The following RGS5 variants were observed in gnomAD, a reference collection of about 807,000 sequenced individuals.
RGS5 encodes the protein regulator of G protein signaling 5, also known as regulator of G-protein signalling 5.
Under a neutral mutation model 18.9 loss-of-function variants are expected in RGS5, and 20 were observed. That is an observed-to-expected ratio of 1.06 (90% confidence interval 0.74 to 1.54). The LOEUF (loss-of-function observed/expected upper bound fraction) is 1.54, where lower values mean the gene tolerates loss of function less well. Ranked by LOEUF, RGS5 falls within the 40% of genes most tolerant of loss-of-function variation. The pLI is 0.00. For synonymous variants in RGS5, 57 were observed against 76.2 expected, an observed-to-expected ratio of 0.75 and a Z score of 1.31; for missense variants, 201 against 211.8, an observed-to-expected ratio of 0.95 and a Z score of 0.32.
intron 3 of RGS5, among the ~76,000 whole-genome samples, chr1:163,158,577 T>C (rs2102389729): frequency 6.6e-6 from 1 of 152,254 alleles, no homozygotes; most frequent in Middle Eastern, 3.4e-3. Context: ...CCCTGAGCTG[T>C]AAAACCAGCA....
Position 163,165,905 on chromosome 1 carries a change from C to CA in RGS5, c.155+2352dup, listed in dbSNP as rs150504306. ...TGGGCAAAAGAGCGAAATTCCGTCT[C>CA]AAAAAAAAAACAAAAAAAAAACAGT... On this transcript the variant is annotated intron_variant, in intron 2 of 4. Transcript: ENST00000313961. Among the ~76,000 whole-genome samples, 58 of 43,478 alleles carry CA rather than the reference C, an allele frequency of 1.3e-3. 1 individual carries two copies. The East Asian group carries it at 0.017, about 13-fold the overall frequency. The allele number at this position is 43,478 out of a possible 152,430, so 28.5% of individuals were successfully genotyped here. A position where few individuals can be genotyped will look rare whatever the true frequency, so the allele number is the denominator to read the frequency against.
intron 1 of RGS5, among the ~76,000 whole-genome samples, chr1:163,186,367 C>T (rs1249550894): frequency 1.3e-5 from 2 of 151,950 alleles, no homozygotes; most frequent in Admixed American, 1.3e-4. Flanking sequence ...CTGCGCCCAG[C>T]CCCATTTCTT....
chr1:163,263,510 G>T (rs189514754), intron 2 of RGS5, among the ~76,000 whole-genome samples: 1 of 152,084 alleles, frequency 6.6e-6, no homozygotes, highest in East Asian at 1.9e-4. Context: ...ACTATTACTG[G>T]GTAGGAAAGG....
chr1:163,281,639 T>C (rs1648993954), intron 2 of RGS5, among the ~76,000 whole-genome samples: 1 of 152,124 alleles, frequency 6.6e-6, no homozygotes, highest in Admixed American at 6.6e-5. Context: ...TGTTTCAACA[T>C]GAGATTTGCA....
chr1:163,263,909 A>G (rs1648514416), intron 2 of RGS5, among the ~76,000 whole-genome samples: 1 of 150,770 alleles, frequency 6.6e-6, no homozygotes, highest in South Asian at 2.1e-4. Flanking sequence ...ATTTTTGTCC[A>G]GGTGTAATTG....
At position 163,232,817 on chromosome 1, in the gene RGS5, G is replaced by T. The variant is rs143478223; in HGVS notation, c.-280-64449C>A. ...GATCAGCAGAAAATGCATAGATGGA[G>T]AAAATAAGAATAATTTTCCAGTATG... On this transcript the variant is annotated intron_variant, in intron 2 of 5. Transcript: ENST00000618415. Among the ~76,000 whole-genome samples the T allele has an allele frequency of 5.5e-4, 84 of 152,220 alleles. No individual in the cohort carries two copies. The East Asian group carries it at 0.015, about 28-fold the overall frequency.
At chr1:163,218,118 C>T (rs541183687), upstream of RGS5, among the ~76,000 whole-genome samples, 27 of 152,044 alleles carry the variant, frequency 1.8e-4, no homozygotes, top group Non-Finnish European at 3.7e-4. Flanking sequence ...TGGAGCTATG[C>T]AGGTTTGAAA....
chr1:163,224,794 T>C lies in RGS5; in HGVS notation c.-280-56426A>G, dbSNP rs980193932. 2.0e-4 allele frequency among the ~76,000 whole-genome samples: 31 copies of C among 152,246 alleles called. 1 individual carries two copies. Among genetic ancestry groups the C allele is most frequent in the Admixed American group, 1.7e-3 (26 of 15,288 alleles). On this transcript the variant is annotated intron_variant, in intron 2 of 5. Transcript: ENST00000618415. ...TTTGCATTTCTCTGATGATTAGTGA[T>C]GTAGGACACTTTTTCATATATTCTT...
chr1:163,230,696 T>G (rs1421448138), intron 2 of RGS5, among the ~76,000 whole-genome samples: 1 of 152,214 alleles, frequency 6.6e-6, no homozygotes, highest in Non-Finnish European at 1.5e-5. Flanking sequence ...ATTAACTCTG[T>G]AAAGGATAAA....
At chr1:163,153,373 CAG>C (rs1288732593) in intron 3 of RGS5, among the ~76,000 whole-genome samples, 1 of 152,070 alleles carries the variant, frequency 6.6e-6, no homozygotes, top group Non-Finnish European at 1.5e-5. Flanking sequence ...AAGGTAGTAA[CAG>C]AGTCATAGGA....
chr1:163,214,507 T>A (rs923319735), intron 1 of RGS5, among the ~76,000 whole-genome samples: 1 of 152,086 alleles, frequency 6.6e-6, no homozygotes, highest in Non-Finnish European at 1.5e-5. Flanking sequence ...AATCTCCCTC[T>A]ATCTCCTTCA....
intron 2 of RGS5, among the ~76,000 whole-genome samples, chr1:163,240,168 A>G (rs533332851): frequency 2.2e-4 from 33 of 152,288 alleles, no homozygotes; most frequent in Middle Eastern, 3.4e-3. Context: ...ATATAAAATA[A>G]TATCTTTATT....
chr1:163,289,257 T>C (rs944208357), intron 2 of RGS5, among the ~76,000 whole-genome samples: 1 of 151,876 alleles, frequency 6.6e-6, no homozygotes, highest in Non-Finnish European at 1.5e-5. Flanking sequence ...ATATACACAA[T>C]ACCCCTACAC....
At chr1:163,316,641 A>G (rs929908366) in intron 1 of RGS5, among the ~76,000 whole-genome samples, 15 of 152,108 alleles carry the variant, frequency 9.9e-5, no homozygotes, top group Admixed American at 7.9e-4. Context: ...ATTCCACTCT[A>G]TAGTGACTAG....
chr1:163,262,492 A>C (rs1571326509), intron 2 of RGS5, among the ~76,000 whole-genome samples: 1 of 65,106 alleles, frequency 1.5e-5, no homozygotes, highest in South Asian at 5.8e-4. Context: ...TGAACTCATC[A>C]TTTTTTATGG....
At chr1:163,286,633 T>A (rs992286908) in intron 2 of RGS5, among the ~76,000 whole-genome samples, 7 of 152,200 alleles carry the variant, frequency 4.6e-5, no homozygotes, top group Non-Finnish European at 7.4e-5. Flanking sequence ...TGATCATATT[T>A]TCAAAAACAA....
At chr1:163,254,626 T>G (rs1339523626) in intron 2 of RGS5, among the ~76,000 whole-genome samples, 2 of 152,258 alleles carry the variant, frequency 1.3e-5, no homozygotes, top group Non-Finnish European at 2.9e-5. Context: ...TAGTTTCTTT[T>G]GCTGTGCAGA....
chr1:163,180,474 C>A (rs990578404), intron 1 of RGS5, among the ~76,000 whole-genome samples: 29 of 152,126 alleles, frequency 1.9e-4, no homozygotes, highest in African/African-American at 6.5e-4. Context: ...CACAGTAGTT[C>A]TCAAACTTCA....
rs1260179989 is a variant in RGS5 at position 163,144,154 on chromosome 1, AC to A, written c.*3187del. 6.6e-6 allele frequency: 1 copy of A among 152,160 alleles called. No homozygotes were observed. Among genetic ancestry groups the A allele is most frequent in the African/African-American group, 2.4e-5 (1 of 41,446 alleles). 9.4% of individuals were successfully genotyped at this position (152,160 alleles called of 1,614,324 possible). Reference sequence around the variant, plus strand: ...ACTTTATTGATTTGAAAGCAAAGTTACTGAAATGCCTCAGTTAGTTCTGCAT... The same window carrying A: ...ACTTTATTGATTTGAAAGCAAAGTTATGAAATGCCTCAGTTAGTTCTGCAT... On this transcript the variant is annotated 3_prime_UTR_variant, in exon 5 of 5. Coordinates refer to ENST00000313961, the MANE Select transcript of RGS5 (RefSeq NM_003617.4).
Sources: gnomAD v4.1 joint callset for allele counts (sites outside exome capture counted in the v4.1 genomes callset) on GRCh38, gnomAD v4.1.1 for gene constraint, MANE v1.5 for transcripts, NCBI Gene and HGNC (gene_info 2026-07-23, HGNC 2026-07-21) for gene names.